Variants in TCERG1L observed in about 807,000 individuals in gnomAD.
TCERG1L encodes the protein transcription elongation regulator 1 like, also known as transcription elongation regulator 1-like protein.
Under a neutral mutation model 56.3 loss-of-function variants are expected in TCERG1L, and 37 were observed. The ratio of observed to expected loss-of-function variants is 0.66; its 90% confidence interval spans 0.51 to 0.87. The LOEUF is 0.87. Among genes scored for constraint, TCERG1L ranks in the 40% least tolerant of loss-of-function variants. The pLI is 0.00. For synonymous variants in TCERG1L, 324 were observed against 326.3 expected, an observed-to-expected ratio of 0.99 and a Z score of 0.08; for missense variants, 799 against 774.2, an observed-to-expected ratio of 1.03 and a Z score of -0.38.
intron 5 of TCERG1L, among the ~76,000 whole-genome samples, chr10:131,166,102 G>A (rs1846028370): frequency 1.3e-5 from 2 of 152,192 alleles, no homozygotes; most frequent in African/African-American, 4.8e-5. Context: ...GTGAACAACA[G>A]GGTGACTACA....
At chr10:131,256,992 G>GGAAGGAAGGAAGGAAA (rs1846173015) in intron 4 of TCERG1L, among the ~76,000 whole-genome samples, 20 of 59,160 alleles carry the variant, frequency 3.4e-4, no homozygotes, top group Non-Finnish European at 6.1e-4. Context: ...AAGGAAGGAA[G>GGAAGGAAGGAAGGAAA]GAAAGAAAGA....
chr10:131,270,386 A>C (rs1846328402), intron 3 of TCERG1L, among the ~76,000 whole-genome samples: 2 of 152,270 alleles, frequency 1.3e-5, no homozygotes, highest in African/African-American at 4.8e-5. Context: ...CCAAAGGACC[A>C]CAGGGAATCC....
chr10:131,117,843 T>C (rs1845474708), intron 8 of TCERG1L, among the ~76,000 whole-genome samples: 2 of 152,248 alleles, frequency 1.3e-5, no homozygotes, highest in South Asian at 4.1e-4. Context: ...CTAAGAAGCA[T>C]CTAGAAATAT....
intron 5 of TCERG1L, 123 bp from the exon 6 acceptor site, chr10:131,163,333 AAT>A: frequency 1.3e-6 from 1 of 744,870 alleles, no homozygotes; most frequent in Non-Finnish European, 2.1e-6. Context: ...GCCACGAGAT[AAT>A]GACCTCAGCA....
chr10:131,126,064 T>C (rs1845562374), intron 8 of TCERG1L, among the ~76,000 whole-genome samples: 1 of 152,238 alleles, frequency 6.6e-6, no homozygotes, highest in African/African-American at 2.4e-5. Flanking sequence ...GACTCACTGT[T>C]GGCCTTTCCG....
At chr10:131,167,740 G>A (rs536897706) in intron 4 of TCERG1L, among the ~76,000 whole-genome samples, 4 of 152,208 alleles carry the variant, frequency 2.6e-5, no homozygotes, top group Non-Finnish European at 5.9e-5. Flanking sequence ...TTTCCAGGGG[G>A]CCGGACCCAC....
At chr10:131,172,371 T>C (rs1474707400) in intron 4 of TCERG1L, among the ~76,000 whole-genome samples, 1 of 152,184 alleles carries the variant, frequency 6.6e-6, no homozygotes, top group East Asian at 1.9e-4. Context: ...CACCTTTCTA[T>C]TCTGAAAGCC....
At chr10:131,178,768 A>G (rs546684910) in intron 4 of TCERG1L, among the ~76,000 whole-genome samples, 25 of 152,262 alleles carry the variant, frequency 1.6e-4, no homozygotes, top group Non-Finnish European at 2.4e-4. Context: ...TGCCCGTTCT[A>G]TGCGCTCCAG....
chr10:131,230,921 C>T (rs1433864775), intron 4 of TCERG1L, among the ~76,000 whole-genome samples: 3 of 151,936 alleles, frequency 2.0e-5, no homozygotes, highest in Non-Finnish European at 4.4e-5. Context: ...TGCAGGGTGC[C>T]GTGCCAGAGC....
intron 8 of TCERG1L, among the ~76,000 whole-genome samples, chr10:131,123,398 G>C (rs1376336087): frequency 1.3e-5 from 2 of 152,148 alleles, no homozygotes; most frequent in Non-Finnish European, 2.9e-5. Flanking sequence ...CTGAGAAGAG[G>C]TGAGGAGCCC....
chr10:131,260,519 G>T lies in TCERG1L; in HGVS notation c.671-75C>A. 3 of 1,313,164 alleles carry T rather than the reference G, an allele frequency of 2.3e-6. No homozygotes were observed. Among genetic ancestry groups the T allele is most frequent in the Non-Finnish European group, 2.9e-6 (3 of 1,029,250 alleles). 81.3% of individuals were successfully genotyped at this position (1,313,164 alleles called of 1,614,324 possible). ...GGTGACAGATGCCCATCTCGCTACC[G>T]CAAGATATCAGCCCCCAGAAAACAG... On this transcript the variant is annotated intron_variant, in intron 3 of 11. Coordinates refer to ENST00000368642, the MANE Select transcript of TCERG1L (RefSeq NM_174937.4). This position sits in a 1 kb window ranked among gnomAD's most constrained non-coding sequence, Gnocchi z 5.8.
intron 4 of TCERG1L, among the ~76,000 whole-genome samples, chr10:131,185,354 G>A (rs1845224329): frequency 6.6e-6 from 1 of 152,044 alleles, no homozygotes; most frequent in African/African-American, 2.4e-5. Flanking sequence ...AACACCAAAT[G>A]CATGAGCAAC....
chr10:131,114,489 G>T, intron 9 of TCERG1L, among the ~76,000 whole-genome samples: 1 of 98,224 alleles, frequency 1.0e-5, no homozygotes, highest in Non-Finnish European at 2.6e-5. Context: ...TTTCTCTCGG[G>T]GTAAACACAC....
At chr10:131,101,795 G>C (rs1266791767) in intron 10 of TCERG1L, among the ~76,000 whole-genome samples, 2 of 152,036 alleles carry the variant, frequency 1.3e-5, no homozygotes, top group African/African-American at 4.8e-5. Flanking sequence ...CTGCCTCCCG[G>C]GTTCAAGTGA....
intron 7 of TCERG1L, among the ~76,000 whole-genome samples, chr10:131,140,785 T>C (rs968990745): frequency 6.6e-6 from 1 of 151,922 alleles, no homozygotes; most frequent in Admixed American, 6.6e-5. Flanking sequence ...GAGCCCTTGG[T>C]GGAGAGGGCA....
chr10:131,096,668 A>C (rs1454094688), intron 11 of TCERG1L, among the ~76,000 whole-genome samples: 15 of 152,216 alleles, frequency 9.9e-5, no homozygotes, highest in African/African-American at 3.4e-4. Flanking sequence ...TGGGAGGCCA[A>C]GGCGGGTGGA....
chr10:131,253,220 T>C (rs1296486095), intron 4 of TCERG1L, among the ~76,000 whole-genome samples: 1 of 152,172 alleles, frequency 6.6e-6, no homozygotes, highest in Non-Finnish European at 1.5e-5. Context: ...CGTGTCTCTA[T>C]AGACGGACAG....
At chr10:131,094,774 C>G (rs967745840) in intron 11 of TCERG1L, among the ~76,000 whole-genome samples, 4 of 152,164 alleles carry the variant, frequency 2.6e-5, no homozygotes, top group African/African-American at 9.7e-5. Flanking sequence ...CCTTGGTGTA[C>G]CTTGGCTAAG....
intron 4 of TCERG1L, among the ~76,000 whole-genome samples, chr10:131,225,963 G>A (rs1255149672): frequency 1.3e-5 from 2 of 152,132 alleles, no homozygotes; most frequent in Non-Finnish European, 2.9e-5. Context: ...ATTTGAACAG[G>A]GTCTCACGCT....
Sources: allele counts gnomAD v4.1 joint callset (sites outside exome capture counted in the v4.1 genomes callset), GRCh38; gene constraint gnomAD v4.1.1; non-coding constraint Gnocchi (gnomAD v3.1); transcripts MANE v1.5; gene names NCBI Gene and HGNC (gene_info 2026-07-23, HGNC 2026-07-21).